Variants in N4BP2L2 observed in about 807,000 individuals in gnomAD.
N4BP2L2 encodes the protein NEDD4-binding protein 2-like 2.
Under a neutral mutation model 56.2 loss-of-function variants are expected in N4BP2L2, and 50 were observed. The ratio of observed to expected loss-of-function variants is 0.89; its 90% confidence interval spans 0.71 to 1.13. The LOEUF (loss-of-function observed/expected upper bound fraction) is 1.13, where lower values mean the gene tolerates loss of function less well. Ranked by LOEUF, N4BP2L2 falls within the 50% of genes most tolerant of loss-of-function variation. The pLI is 0.00. For missense variants in N4BP2L2, 689 were observed against 693.8 expected (o/e 0.99, Z 0.08); for synonymous variants, 203 against 223.6 (o/e 0.91, Z 0.82).
intron 6 of N4BP2L2, among the ~76,000 whole-genome samples, chr13:32,455,442 C>T (rs1292643120): frequency 1.3e-5 from 2 of 152,226 alleles, no homozygotes; most frequent in African/African-American, 2.4e-5. Flanking sequence ...GACTCTGCCG[C>T]TGCCCATTGC....
chr13:32,434,712 CCT>C (rs1406474650), intron 9 of N4BP2L2, among the ~76,000 whole-genome samples: 1 of 152,130 alleles, frequency 6.6e-6, no homozygotes, highest in Non-Finnish European at 1.5e-5. Context: ...TCTGTTTACC[CCT>C]TGAGACAGAC....
chr13:32,533,325 T>C (rs1398549802), intron 2 of N4BP2L2, among the ~76,000 whole-genome samples: 1 of 150,444 alleles, frequency 6.6e-6, no homozygotes, highest in Admixed American at 6.6e-5. Context: ...AAGGCTATTA[T>C]GGCCTACTGT....
intron 6 of N4BP2L2, among the ~76,000 whole-genome samples, chr13:32,493,958 T>C (rs575635639): frequency 1.3e-3 from 192 of 152,318 alleles, no homozygotes; most frequent in African/African-American, 4.3e-3. Flanking sequence ...TCTCTTTGGA[T>C]TTCGCTTTCC....
chr13:32,493,863 C>G (rs764528468), intron 6 of N4BP2L2, among the ~76,000 whole-genome samples: 1 of 152,188 alleles, frequency 6.6e-6, no homozygotes, highest in African/African-American at 2.4e-5. Flanking sequence ...ATTTTTGGGA[C>G]AGCAAAGAAA....
rs9595751 is a variant in N4BP2L2 at position 32,527,324 on chromosome 13, T to C, written c.1384+84A>G. On this transcript the variant is annotated intron_variant, in intron 3 of 5. Transcript: ENST00000267068. ...GGCTTGCCTACAGTCATTCAGCTGG[T>C]AAAAACCTAAGCTGAAAATAAAATC... 8.2e-6 allele frequency: 12 copies of C among 1,465,836 alleles called. No homozygotes were observed. In the South Asian group the frequency reaches 1.3e-4, roughly 15 times the overall value. 90.8% of individuals were successfully genotyped at this position (1,465,836 alleles called of 1,614,324 possible). A position where few individuals can be genotyped will look rare whatever the true frequency, so the allele number is the denominator to read the frequency against.
At chr13:32,525,333 G>C (rs1315394613) in intron 3 of N4BP2L2, 1 of 151,994 alleles carries the variant, frequency 6.6e-6, no homozygotes, top group Non-Finnish European at 1.5e-5. Flanking sequence ...AGAAATTCTA[G>C]AGCGTTATAA....
chr13:32,477,356 A>T (rs2083574019), intron 6 of N4BP2L2: 1 of 190,804 alleles, frequency 5.2e-6, no homozygotes, highest in African/African-American at 2.4e-5. Context: ...GAGTTTTTGT[A>T]TCTGCAATTT....
At chr13:32,460,753 A>G (rs890315881) in intron 6 of N4BP2L2, among the ~76,000 whole-genome samples, 3 of 152,174 alleles carry the variant, frequency 2.0e-5, no homozygotes, top group African/African-American at 7.2e-5. Flanking sequence ...TTTGCATGGA[A>G]CCAAAAAGAG....
At chr13:32,480,731 T>C in intron 6 of N4BP2L2, 1 of 661,658 alleles carries the variant, frequency 1.5e-6, no homozygotes, top group Non-Finnish European at 2.3e-6. Flanking sequence ...GTGCTACTAC[T>C]ATTTTCATTT....
chr13:32,452,093 C>A, intron 6 of N4BP2L2, among the ~76,000 whole-genome samples: 1 of 144,054 alleles, frequency 6.9e-6, no homozygotes. Flanking sequence ...TGGAGTTTCA[C>A]TCTCCTTGCC....
At chr13:32,465,502 T>C (rs1020646668) in intron 6 of N4BP2L2, among the ~76,000 whole-genome samples, 18 of 152,122 alleles carry the variant, frequency 1.2e-4, no homozygotes, top group African/African-American at 4.4e-4. Context: ...ATTTATTTTA[T>C]AGCCTTTCTC....
intron 5 of N4BP2L2, among the ~76,000 whole-genome samples, chr13:32,519,025 T>C (rs1313573063): frequency 1.3e-5 from 2 of 152,162 alleles, no homozygotes; most frequent in African/African-American, 4.8e-5. Flanking sequence ...TGCCAATTTA[T>C]TTATCTTGGA....
chr13:32,456,888 C>T (rs1454971453), intron 6 of N4BP2L2, among the ~76,000 whole-genome samples: 1 of 152,338 alleles, frequency 6.6e-6, no homozygotes, highest in East Asian at 1.9e-4. Context: ...ACAATCCCAG[C>T]ACCTTGGGAG....
intron 6 of N4BP2L2, among the ~76,000 whole-genome samples, chr13:32,496,910 C>CT (rs1315786185): frequency 6.6e-6 from 1 of 152,310 alleles, no homozygotes; most frequent in Admixed American, 6.5e-5. Context: ...TTCAGCTACT[C>CT]TAACAATATG....
chr13:32,453,813 G>C (rs1330624097), intron 6 of N4BP2L2, among the ~76,000 whole-genome samples: 1 of 152,186 alleles, frequency 6.6e-6, no homozygotes, highest in African/African-American at 2.4e-5. Flanking sequence ...CCTTGCTGGT[G>C]ACTCTGAGCT....
At chr13:32,436,477 C>T in intron 8 of N4BP2L2, 2 of 667,728 alleles carry the variant, frequency 3.0e-6, no homozygotes, top group Non-Finnish European at 5.0e-6. Context: ...TGTCATTTTA[C>T]TCATGTAGGG....
At chr13:32,466,779 T>G (rs1188069034) in intron 6 of N4BP2L2, among the ~76,000 whole-genome samples, 2 of 152,182 alleles carry the variant, frequency 1.3e-5, no homozygotes, top group Non-Finnish European at 2.9e-5. Context: ...TTAACCTGGG[T>G]AGTGGTAACA....
At chr13:32,532,565 G>A (rs1594106705) in intron 2 of N4BP2L2, among the ~76,000 whole-genome samples, 1 of 142,678 alleles carries the variant, frequency 7.0e-6, no homozygotes, top group South Asian at 2.3e-4. Flanking sequence ...TGTAGGTTAT[G>A]TTTCTGGATT....
chr13:32,498,418 C>T (rs1338935943), intron 6 of N4BP2L2, among the ~76,000 whole-genome samples: 1 of 152,170 alleles, frequency 6.6e-6, no homozygotes, highest in African/African-American at 2.4e-5. Flanking sequence ...GTGATCTTGG[C>T]TCACTGCAAT....
Sources: allele counts gnomAD v4.1 joint callset (sites outside exome capture counted in the v4.1 genomes callset), GRCh38; gene constraint gnomAD v4.1.1; transcripts MANE v1.5; gene names NCBI Gene and HGNC (gene_info 2026-07-23, HGNC 2026-07-21).